Variants in NTN4 observed in about 807,000 individuals in gnomAD.
NTN4 encodes netrin-4.
In NTN4, 32 loss-of-function variants were observed where a neutral mutation model predicts 73.6. The ratio of observed to expected loss-of-function variants is 0.44; its 90% CI spans 0.33 to 0.58. The LOEUF (loss-of-function observed/expected upper bound fraction) is 0.58, where lower values mean the gene tolerates loss of function less well. Ranked by LOEUF, NTN4 falls within the 20% of genes least tolerant of loss-of-function variation. The pLI is 0.04. For synonymous variants in NTN4, 258 were observed against 287.5 expected (o/e 0.90, Z 1.04); for missense variants, 654 against 798.3 (o/e 0.82, Z 2.18).
At position 95,683,466 on chromosome 12, in the gene NTN4, T is replaced by C. The variant is rs760051408; in HGVS notation, c.1394+32A>G. 9 of 1,588,992 alleles carry C rather than the reference T, an allele frequency of 5.7e-6. No homozygotes were observed. In the Admixed American group the frequency reaches 6.7e-5, roughly 12 times the overall value. The stretch of plus-strand genomic sequence containing the variant: ...GGTTTTCAAAAGAGCCTGAAATACA[T>C]GCAGCTGAGAGCAAGAGCCTTGCAC... On this transcript the variant is annotated intron_variant, in intron 6 of 9. Transcript: ENST00000343702.
At chr12:95,722,973 CAAAAA>C (rs71087998) in intron 3 of NTN4, among the ~76,000 whole-genome samples, 15 of 55,366 alleles carry the variant, frequency 2.7e-4, no homozygotes, top group South Asian at 1.1e-3. Flanking sequence ...GACTCTGTCT[CAAAAA>C]AAAAAAAAAA....
At chr12:95,725,411 C>T (rs1288186333) in intron 3 of NTN4, among the ~76,000 whole-genome samples, 3 of 152,026 alleles carry the variant, frequency 2.0e-5, no homozygotes, top group Admixed American at 1.3e-4. Flanking sequence ...ACTTTTCACC[C>T]GTTAAGATTC....
chr12:95,737,464 G>C (rs964799481), intron 3 of NTN4, among the ~76,000 whole-genome samples: 1 of 152,150 alleles, frequency 6.6e-6, no homozygotes, highest in African/African-American at 2.4e-5. Context: ...GGACAGCAAA[G>C]ATACCAGGCA....
intron 2 of NTN4, among the ~76,000 whole-genome samples, chr12:95,766,632 T>A (rs1484779763): frequency 6.6e-6 from 1 of 152,222 alleles, no homozygotes; most frequent in Non-Finnish European, 1.5e-5. Context: ...TATCCCAAGT[T>A]AATTGTTCAT....
chr12:95,749,732 C>A (rs1482571086), intron 2 of NTN4, among the ~76,000 whole-genome samples: 2 of 152,118 alleles, frequency 1.3e-5, no homozygotes. Flanking sequence ...AGTGGCAAGT[C>A]CTGCTTTTCT....
chr12:95,660,993 T>C (rs7972388), intron 9 of NTN4, among the ~76,000 whole-genome samples: 8,668 of 152,220 alleles, frequency 0.057, 431 homozygotes, highest in East Asian at 0.27. Context: ...TGAATGTGTG[T>C]CTTTTTAAAA....
chr12:95,744,249 G>A (rs1469649398), intron 2 of NTN4, among the ~76,000 whole-genome samples: 1 of 152,156 alleles, frequency 6.6e-6, no homozygotes, highest in East Asian at 1.9e-4. Context: ...TGTTTTATCA[G>A]TGTATGTCCC....
chr12:95,780,866 A>G (rs2079127710), intron 2 of NTN4, among the ~76,000 whole-genome samples: 1 of 152,252 alleles, frequency 6.6e-6, no homozygotes, highest in African/African-American at 2.4e-5. Context: ...TTATTGCAGC[A>G]CTATTCACAA....
At chr12:95,785,727 A>C (rs915632012) in intron 2 of NTN4, among the ~76,000 whole-genome samples, 2 of 152,224 alleles carry the variant, frequency 1.3e-5, no homozygotes, top group African/African-American at 4.8e-5. Context: ...TGAGGGGGTC[A>C]ATACATGCTG....
intron 2 of NTN4, among the ~76,000 whole-genome samples, chr12:95,775,753 G>C (rs1195799814): frequency 6.6e-6 from 1 of 152,246 alleles, no homozygotes; most frequent in Admixed American, 6.5e-5. Context: ...CCACCTCTGG[G>C]GGCAGGGCAT....
At chr12:95,770,055 C>T (rs372421452) in intron 2 of NTN4, among the ~76,000 whole-genome samples, 16 of 152,128 alleles carry the variant, frequency 1.1e-4, no homozygotes, top group East Asian at 7.7e-4. Context: ...CCACTCCCGG[C>T]GGGTTTTCAA....
At chr12:95,697,141 C>T (rs150103697) in intron 5 of NTN4, among the ~76,000 whole-genome samples, 1 of 151,620 alleles carries the variant, frequency 6.6e-6, no homozygotes, top group East Asian at 1.9e-4. Flanking sequence ...TGCCATTGCA[C>T]TCCATTCAGC....
intron 2 of NTN4, among the ~76,000 whole-genome samples, chr12:95,771,270 T>G (rs563907289): frequency 5.3e-5 from 8 of 152,186 alleles, no homozygotes; most frequent in Non-Finnish European, 1.0e-4. Context: ...ATTACAGGCG[T>G]GAGCCACCGC....
At chr12:95,687,686 C>T (rs917798200) in intron 5 of NTN4, among the ~76,000 whole-genome samples, 4 of 152,226 alleles carry the variant, frequency 2.6e-5, no homozygotes, top group Non-Finnish European at 2.9e-5. Flanking sequence ...CAGATGTGAG[C>T]CACCACGCCC....
chr12:95,709,630 T>G (rs993532617), intron 5 of NTN4, among the ~76,000 whole-genome samples: 18 of 151,318 alleles, frequency 1.2e-4, no homozygotes, highest in African/African-American at 4.4e-4. Flanking sequence ...GCCTGCTGGA[T>G]TCAAGCCATC....
intron 2 of NTN4, among the ~76,000 whole-genome samples, chr12:95,765,482 TCTTGG>T: frequency 6.6e-6 from 1 of 152,216 alleles, no homozygotes; most frequent in Non-Finnish European, 1.5e-5. Flanking sequence ...CCCTCAACGC[TCTTGG>T]AGACATTGAC....
In NTN4 at chr12:95,744,777, T is replaced by A. The variant is rs527987910; in HGVS notation, c.586-6633A>T. ...TTTGTAGGTCCAGATATCCATCTGG[T>A]ATCATTTTTCTTCTGTCTGAAGGAT... On this transcript the variant is annotated intron_variant, in intron 2 of 9. Transcript: ENST00000343702. Among the ~76,000 whole-genome samples, 18 of 152,230 alleles carry A rather than the reference T, an allele frequency of 1.2e-4. 1 individual carries two copies. In the East Asian group the frequency reaches 2.1e-3, roughly 18 times the overall value.
At chr12:95,716,247 A>T (rs1312711580) in intron 3 of NTN4, among the ~76,000 whole-genome samples, 2 of 152,180 alleles carry the variant, frequency 1.3e-5, no homozygotes, top group Non-Finnish European at 2.9e-5. Context: ...AAACAAAGTC[A>T]ATTAGTGCTG....
rs11108194 is a variant in NTN4, at chr12:95,681,171, A to G, written c.1510+1536T>C. 4.0e-3 allele frequency among the ~76,000 whole-genome samples: 574 copies of G among 141,956 alleles called. 1 individual carries two copies. The highest frequency in any genetic ancestry group is 0.015 in the African/African-American group (548 of 37,014). The allele number at this position is 141,956 out of a possible 152,430, so 93.1% of individuals were successfully genotyped here. On this transcript the variant is annotated intron_variant, in intron 7 of 9. Coordinates refer to ENST00000343702, the MANE Select transcript of NTN4 (RefSeq NM_021229.4). ...GCCACTGCACTCCAGCCTGGGCAAC[A>G]GAGTGAGACTTTGTCTCAAAAAAAA...
Sources: gnomAD v4.1 joint callset for allele counts (sites outside exome capture counted in the v4.1 genomes callset) on GRCh38, gnomAD v4.1.1 for gene constraint, MANE v1.5 for transcripts, NCBI Gene and HGNC (gene_info 2026-07-23, HGNC 2026-07-21) for gene names.